The following FAM227A variants were observed in gnomAD, a reference collection of about 807,000 sequenced individuals.
FAM227A encodes family with sequence similarity 227 member A.
Under a neutral mutation model 74.7 loss-of-function variants are expected in FAM227A, and 80 were observed. That is an observed-to-expected ratio of 1.07 (90% CI 0.89 to 1.29). The LOEUF is 1.29. Ranked by LOEUF, FAM227A falls within the 50% of genes most tolerant of loss-of-function variation. FAM227A has a pLI of 0.00. For synonymous variants in FAM227A, 237 were observed against 241.8 expected (o/e 0.98, Z 0.19); for missense variants, 654 against 683.4 (o/e 0.96, Z 0.48).
intron 14 of FAM227A, among the ~76,000 whole-genome samples, chr22:38,599,095 T>G (rs575231405): frequency 4.8e-4 from 73 of 152,124 alleles, no homozygotes; most frequent in African/African-American, 1.4e-3. Flanking sequence ...TAGCTGCGAT[T>G]ATACAGGCAC....
rs2091487356 is a variant in FAM227A at position 38,613,312 on chromosome 22, C to CATAATATATATCAT, written c.1039-5837_1039-5836insATGATATATATTAT. Among the ~76,000 whole-genome samples, 11 of 56,520 alleles carry CATAATATATATCAT rather than the reference C, an allele frequency of 1.9e-4. No homozygotes were observed. In the East Asian group the frequency reaches 3.5e-3, roughly 18 times the overall value. 37.1% of individuals were successfully genotyped at this position (56,520 alleles called of 152,430 possible). ...AATATATATCATATATAATATATAA[C>CATAATATATATCAT]ATATAATATATATCATATATAATAT... On this transcript the variant is annotated intron_variant, in intron 11 of 16. Coordinates refer to ENST00000535113, the MANE Select transcript of FAM227A (RefSeq NM_001013647.2).
intron 16 of FAM227A, among the ~76,000 whole-genome samples, chr22:38,586,495 A>T (rs913443723): frequency 2.4e-4 from 37 of 152,088 alleles, no homozygotes; most frequent in African/African-American, 8.9e-4. Context: ...ACTCCATTGG[A>T]GGTGACATCC....
chr22:38,613,411 ATGAT>A (rs1230531913), intron 11 of FAM227A, among the ~76,000 whole-genome samples: 1 of 26,166 alleles, frequency 3.8e-5, no homozygotes, highest in Non-Finnish European at 6.4e-5. Flanking sequence ...TATAATATAT[ATGAT>A]ATATATAATT....
chr22:38,623,801 A>C (rs2091741662), intron 9 of FAM227A, among the ~76,000 whole-genome samples: 1 of 152,198 alleles, frequency 6.6e-6, no homozygotes, highest in Non-Finnish European at 1.5e-5. Flanking sequence ...CTGGCACATA[A>C]TAAATACAGT....
intron 11 of FAM227A, among the ~76,000 whole-genome samples, chr22:38,612,629 T>C (rs2091438592): frequency 6.6e-6 from 1 of 152,152 alleles, no homozygotes; most frequent in South Asian, 2.1e-4. Context: ...ACCTAGGCTC[T>C]ACCTGCAGAT....
rs1603107398 is a variant in FAM227A at position 38,656,185 on chromosome 22, C to A, written c.-160G>T. On this transcript the variant is annotated 5_prime_UTR_variant, in exon 1 of 17. Coordinates refer to ENST00000535113, the MANE Select transcript of FAM227A (RefSeq NM_001013647.2). ...CCGCCACGGGTCCCTCAGGGGACCC[C>A]GCAAAGTTCTGGGTCGGCCCCCGAC... 1 of 152,290 alleles carries A rather than the reference C, an allele frequency of 6.6e-6. No homozygotes were observed. The highest frequency in any genetic ancestry group is 1.5e-5 in the Non-Finnish European group (1 of 68,144). 9.4% of individuals were successfully genotyped at this position (152,290 alleles called of 1,614,324 possible).
At chr22:38,623,318 G>C (rs1430981945) in intron 9 of FAM227A, 39 bp from the exon 10 acceptor site, 1 of 1,365,744 alleles carries the variant, frequency 7.3e-7, no homozygotes, top group Non-Finnish European at 1.0e-6. Context: ...GGCCGGGTGC[G>C]GTGGATCACG....
In FAM227A at chr22:38,591,290, C is replaced by G. The variant is rs565171622; in HGVS notation, c.1638+145G>C. 5.7e-5 allele frequency: 79 copies of G among 1,379,648 alleles called. 1 individual carries two copies. Among genetic ancestry groups the G allele is most frequent in the African/African-American group, 3.7e-4 (25 of 67,292 alleles). The allele number at this position is 1,379,648 out of a possible 1,614,324, so 85.5% of individuals were successfully genotyped here. On this transcript the variant is annotated intron_variant, in intron 16 of 16. Coordinates refer to ENST00000535113, the MANE Select transcript of FAM227A (RefSeq NM_001013647.2). ...AGTGAGCTATGATGGCACCACTGCACTCAGCCTTGAGGAGAGAGTGAGACT... is the reference window on the plus strand; with the variant it reads ...AGTGAGCTATGATGGCACCACTGCAGTCAGCCTTGAGGAGAGAGTGAGACT...
chr22:38,619,023 T>C (rs999217986), intron 11 of FAM227A, among the ~76,000 whole-genome samples: 1 of 150,864 alleles, frequency 6.6e-6, no homozygotes, highest in African/African-American at 2.4e-5. Flanking sequence ...CTGCATGCTA[T>C]CAATGTCTCT....
chr22:38,591,637 C>T, intron 15 of FAM227A, 97 bp from the exon 16 acceptor site: 1 of 797,280 alleles, frequency 1.3e-6, no homozygotes, highest in Non-Finnish European at 1.9e-6. Context: ...TCCACGTGAC[C>T]ATTTACAAAA....
At chr22:38,644,686 T>TGTGAC (rs1272959771) in intron 3 of FAM227A, among the ~76,000 whole-genome samples, 2 of 152,236 alleles carry the variant, frequency 1.3e-5, no homozygotes, top group Non-Finnish European at 2.9e-5. Flanking sequence ...TGCCACTATC[T>TGTGAC]TATGGAATGT....
At position 38,633,647 on chromosome 22, in the gene FAM227A, T is replaced by C. The variant is rs544333465; in HGVS notation, c.519+2804A>G. 3.5e-3 allele frequency among the ~76,000 whole-genome samples: 536 copies of C among 152,274 alleles called. 2 individuals carry two copies. The highest frequency in any genetic ancestry group is 0.013 in the African/African-American group (522 of 41,564). ...ACCTCCACCTCCCGGGTTCAAGCAA[T>C]TCTCCTGCCTCAGCCTCCTGAGTAG... On this transcript the variant is annotated intron_variant, in intron 6 of 16. Transcript: ENST00000535113.
chr22:38,598,557 A>G (rs992868087), intron 14 of FAM227A, among the ~76,000 whole-genome samples: 1 of 152,224 alleles, frequency 6.6e-6, no homozygotes, highest in Non-Finnish European at 1.5e-5. Context: ...CCTATAGAAC[A>G]TGTAAATAAG....
intron 6 of FAM227A, among the ~76,000 whole-genome samples, chr22:38,631,574 G>A (rs953258493): frequency 6.6e-6 from 1 of 152,076 alleles, no homozygotes; most frequent in African/African-American, 2.4e-5. Context: ...ATGATGAAGG[G>A]AGAGCTGAGA....
chr22:38,645,862 TGC>T (rs1231416826), intron 2 of FAM227A, among the ~76,000 whole-genome samples: 2 of 152,186 alleles, frequency 1.3e-5, no homozygotes, highest in Admixed American at 1.3e-4. Flanking sequence ...CATGGGTCAC[TGC>T]AGCAGACCTC....
chr22:38,614,944 C>T (rs2091544372), intron 11 of FAM227A, among the ~76,000 whole-genome samples: 1 of 152,214 alleles, frequency 6.6e-6, no homozygotes, highest in Admixed American at 6.5e-5. Context: ...ATATGCTAAG[C>T]ACAGGGCCAA....
At chr22:38,636,128 G>C (rs1285127062) in intron 6 of FAM227A, among the ~76,000 whole-genome samples, 1 of 141,918 alleles carries the variant, frequency 7.0e-6, no homozygotes, top group Non-Finnish European at 1.5e-5. Flanking sequence ...AGAAAAAAGA[G>C]AGATTAAGCA....
In FAM227A at chr22:38,645,516, C is replaced by T. The variant is rs1474927291; in HGVS notation, c.225+47G>A. ...GCAACACCTTGATGATCCCCGGGGC[C>T]CTTCCCTGTCAGAAGCTTTGTCTCA... On this transcript the variant is annotated intron_variant, in intron 3 of 16. Coordinates refer to ENST00000535113, the MANE Select transcript of FAM227A (RefSeq NM_001013647.2). 4 of 1,320,880 alleles carry T rather than the reference C, an allele frequency of 3.0e-6. No individual in the cohort carries two copies. The African/African-American group carries it at 4.4e-5, about 14-fold the overall frequency. The allele number at this position is 1,320,880 out of a possible 1,614,324, so 81.8% of individuals were successfully genotyped here.
At chr22:38,648,253 T>G (rs1412404257) in intron 2 of FAM227A, among the ~76,000 whole-genome samples, 1 of 150,952 alleles carries the variant, frequency 6.6e-6, no homozygotes, top group East Asian at 2.0e-4. Context: ...AGGAGCAGAT[T>G]TGGGGCCAGG....
Sources: gnomAD v4.1 joint callset for allele counts (sites outside exome capture counted in the v4.1 genomes callset) on GRCh38, gnomAD v4.1.1 for gene constraint, MANE v1.5 for transcripts, NCBI Gene and HGNC (gene_info 2026-07-23, HGNC 2026-07-21) for gene names.